MROH2A: variants seen among roughly 807,000 people sequenced by gnomAD.
The protein encoded by MROH2A is maestro heat-like repeat-containing protein family member 2A.
MROH2A carries 174 observed loss-of-function variants against 200.4 expected under a neutral mutation model. The ratio of observed to expected loss-of-function variants is 0.87; its 90% CI spans 0.77 to 0.98. MROH2A has a LOEUF of 0.98. Ranked by LOEUF, MROH2A falls within the 50% of genes least tolerant of loss-of-function variation. The pLI is 0.00. For synonymous variants in MROH2A, 829 were observed against 840.4 expected, an observed-to-expected ratio of 0.99 and a Z score of 0.23; for missense variants, 2,045 against 2,139.6, an observed-to-expected ratio of 0.96 and a Z score of 0.87.
At position 233,807,060 on chromosome 2, in the gene MROH2A, A is replaced by G. The variant is rs769008013; in HGVS notation, c.2053-363A>G. ...ATACGACGTTTGGTTTTCCATTCCT[A>G]AGTTACTTAGAATAATAGTCTCCAA... is the stretch of plus-strand genomic sequence containing the variant. On this transcript the variant is annotated intron_variant, in intron 19 of 41. Transcript: ENST00000389758. The surrounding 1 kb of genome is among the most constrained non-coding windows in gnomAD (Gnocchi z 4.3). Among the ~76,000 whole-genome samples, 329 of 152,148 alleles carry G rather than the reference A, an allele frequency of 2.2e-3. 2 individuals carry two copies. The highest frequency in any genetic ancestry group is 5.6e-3 in the Admixed American group (86 of 15,284).
rs1044679354 is a variant in MROH2A, at chr2:233,788,276, T to G, written c.277-1221T>G. Among the ~76,000 whole-genome samples, 23 of 140,572 alleles carry G rather than the reference T, an allele frequency of 1.6e-4. 1 individual carries two copies. The highest frequency in any genetic ancestry group is 3.6e-3 in the Middle Eastern group (1 of 278). The allele number at this position is 140,572 out of a possible 152,430, so 92.2% of individuals were successfully genotyped here. A position where few individuals can be genotyped will look rare whatever the true frequency, so the allele number is the denominator to read the frequency against. Reference sequence around the variant, plus strand: ...ATGTCCTTGGGAGTAATAATAATAATAATAATAATAATAATAATAATAATA... The same window carrying G: ...ATGTCCTTGGGAGTAATAATAATAAGAATAATAATAATAATAATAATAATA... On this transcript the variant is annotated intron_variant, in intron 3 of 41. Coordinates refer to ENST00000389758, the MANE Select transcript of MROH2A (RefSeq NM_001394639.1).
At chr2:233,778,159 AG>A (rs1381580506), upstream of MROH2A, among the ~76,000 whole-genome samples, 3 of 152,234 alleles carry the variant, frequency 2.0e-5, no homozygotes, top group African/African-American at 7.2e-5. Flanking sequence ...TGTGAATAAC[AG>A]AAATGTTGAA....
In MROH2A at chr2:233,804,212, C is replaced by A. The variant is rs1272952854; in HGVS notation, c.1891+20C>A. On this transcript the variant is annotated intron_variant, in intron 17 of 41. Transcript: ENST00000389758. ...TGGAAGGTGAGGTTCCTGGGGAGCC[C>A]ATCCCAAGCCAACCCTCCAATCCGT... 2 of 1,549,736 alleles carry A rather than the reference C, an allele frequency of 1.3e-6. No homozygotes were observed. The highest frequency in any genetic ancestry group is 2.4e-5 in the East Asian group (1 of 40,920).
chr2:233,829,591 A>C (rs569898152), intron 37 of MROH2A, 29 bp from the exon 38 acceptor site: 5 of 1,368,630 alleles, frequency 3.7e-6, no homozygotes, highest in Admixed American at 7.1e-5. Context: ...TGCTGCCTGC[A>C]TGTCAGCCTG....
rs1360794428 is a variant in MROH2A at position 233,829,919 on chromosome 2, G to T, written c.4602+144G>T. Reference sequence around the variant, plus strand: ...TCTGAGATCCCAGAGGCCACAGCCTGCTCCCTGCTGTCCTCCATCCCTCAC... The same window carrying T: ...TCTGAGATCCCAGAGGCCACAGCCTTCTCCCTGCTGTCCTCCATCCCTCAC... On this transcript the variant is annotated intron_variant, in intron 38 of 41. Coordinates refer to ENST00000389758, the MANE Select transcript of MROH2A (RefSeq NM_001394639.1). The T allele has an allele frequency of 5.3e-6, 4 of 751,926 alleles. No homozygotes were observed. The South Asian group carries it at 1.9e-4, about 36-fold the overall frequency. The allele number at this position is 751,926 out of a possible 1,614,324, so 46.6% of individuals were successfully genotyped here.
chr2:233,809,354 C>A, intron 22 of MROH2A, 76 bp downstream of exon 22: 5 of 1,464,472 alleles, frequency 3.4e-6, no homozygotes, highest in Non-Finnish European at 4.7e-6. Context: ...ACTCTCTGGG[C>A]TCCTGCATCC....
At chr2:233,815,940 T>G (rs1703497728) in intron 26 of MROH2A, among the ~76,000 whole-genome samples, 2 of 152,130 alleles carry the variant, frequency 1.3e-5, no homozygotes, top group Non-Finnish European at 2.9e-5. Flanking sequence ...TCCCTTATGA[T>G]TTCTTCTTTG....
Position 233,819,314 on chromosome 2 carries a change from T to C in MROH2A, c.3205-3T>C, listed in dbSNP as rs957988540. The C allele has an allele frequency of 1.3e-6, 2 of 1,549,864 alleles. No individual in the cohort carries two copies. Among genetic ancestry groups the C allele is most frequent in the African/African-American group, 1.4e-5 (1 of 73,166 alleles). ...GCAGGGGAGTCACCCGCTCTGCTCC[T>C]AGGTGGTCTGCATGGAGTTTAGCTG... is the stretch of plus-strand genomic sequence containing the variant. On this transcript the variant is annotated splice_polypyrimidine_tract_variant and splice_region_variant and intron_variant, in intron 29 of 41. Coordinates refer to ENST00000389758, the MANE Select transcript of MROH2A (RefSeq NM_001394639.1).
chr2:233,788,430 A>G (rs901319565), intron 3 of MROH2A, among the ~76,000 whole-genome samples: 15 of 151,880 alleles, frequency 9.9e-5, no homozygotes, highest in Middle Eastern at 3.4e-3. Flanking sequence ...TTGCTATCCC[A>G]AAAGTAGGAA....
chr2:233,794,412 T>C lies in MROH2A; in HGVS notation c.872T>C (p.Leu291Pro). The C allele has an allele frequency of 6.5e-7, 1 of 1,545,872 alleles. No individual in the cohort carries two copies. The highest frequency in any genetic ancestry group is 8.7e-7 in the Non-Finnish European group (1 of 1,144,698). ...KSLKPMLGLL[L>P]PNDDLREQVY... is the part of the protein sequence containing the mutation. ...CTGAAGCCCATGCTCGGCCTCCTTC[T>C]GCCCAACGATGACCTGCGGGAGCAG... Residue 291 changes from leucine to proline, a missense_variant, in exon 8 of 42, where the codon CTG becomes CCG. Around this residue, in one of 3 missense-constraint regions of MROH2A, gnomAD observed 831 missense variants for 800.0 expected, o/e 1.04. Transcript: ENST00000389758.
Position 233,822,399 on chromosome 2 carries a change from G to A in MROH2A, c.3709G>A (p.Asp1237Asn). The change falls in exon 33 of 42, where the codon GAT (aspartate) becomes AAT (asparagine). Residue 1237 changes from aspartate (D) to asparagine (N), a missense_variant. Physicochemically the swap from Asp to Asn is conservative, Grantham distance 23. Coordinates refer to ENST00000389758, the MANE Select transcript of MROH2A (RefSeq NM_001394639.1). Reference sequence around the variant, plus strand: ...CATCCACCTTCTCATTCAGAAGCTGGATGAGAATGACAAGCTCCCGGACTT... The same window carrying A: ...CATCCACCTTCTCATTCAGAAGCTGAATGAGAATGACAAGCTCCCGGACTT... ...CTIHLLIQKL[D>N]ENDKLPDFLP... The A allele has an allele frequency of 6.4e-7, 1 of 1,551,134 alleles. No homozygotes were observed. Among genetic ancestry groups the A allele is most frequent in the South Asian group, 1.2e-5 (1 of 84,062 alleles).
chr2:233,778,008 C>T, upstream of MROH2A, among the ~76,000 whole-genome samples: 1 of 152,300 alleles, frequency 6.6e-6, no homozygotes, highest in East Asian at 1.9e-4. Context: ...CAGTCTGCCC[C>T]TCCTCTCCTC....
intron 12 of MROH2A, among the ~76,000 whole-genome samples, chr2:233,799,275 A>G (rs9808308): frequency 0.49 from 74,663 of 151,944 alleles, 18,622 homozygotes; most frequent in African/African-American, 0.54. Context: ...GGTTCTGGCC[A>G]TGGGCTGGGG....
intron 33 of MROH2A, 60 bp downstream of exon 33, chr2:233,822,616 G>T (rs556377320): frequency 2.7e-5 from 40 of 1,503,918 alleles, no homozygotes; most frequent in African/African-American, 5.5e-5. Flanking sequence ...GCCACGGGCT[G>T]CCCCTTAGTT....
chr2:233,776,249 G>C (rs545120308), upstream of MROH2A, among the ~76,000 whole-genome samples: 1 of 152,204 alleles, frequency 6.6e-6, no homozygotes, highest in East Asian at 1.9e-4. Context: ...TCCCATAGAA[G>C]TAGTGGTGCA....
intron 14 of MROH2A, among the ~76,000 whole-genome samples, chr2:233,801,253 A>G (rs1702452098): frequency 6.6e-6 from 1 of 151,966 alleles, no homozygotes; most frequent in Non-Finnish European, 1.5e-5. Context: ...CCTGGTGGCT[A>G]CAACAGGTTA....
intron 18 of MROH2A, 83 bp downstream of exon 18, chr2:233,804,630 A>AT (rs1271855004): frequency 1.8e-5 from 24 of 1,300,978 alleles, no homozygotes; most frequent in Non-Finnish European, 2.6e-5. Flanking sequence ...GGCTGGGCAC[A>AT]TGAGGAGTTT....
rs888617216 is a variant in MROH2A at position 233,828,448 on chromosome 2, A to G, written c.4114-182A>G. On this transcript the variant is annotated intron_variant, in intron 35 of 41. Coordinates refer to ENST00000389758, the MANE Select transcript of MROH2A (RefSeq NM_001394639.1). This position sits in a 1 kb window ranked among gnomAD's most constrained non-coding sequence, Gnocchi z 4.6. Reference sequence around the variant, plus strand: ...CCATATTTCCTTATTAAATCCCCACACAGACCCTGAGGCAGGTACTAGCAT... The same window carrying G: ...CCATATTTCCTTATTAAATCCCCACGCAGACCCTGAGGCAGGTACTAGCAT... 6.3e-6 allele frequency: 4 copies of G among 637,168 alleles called. No individual in the cohort carries two copies. The highest frequency in any genetic ancestry group is 5.5e-5 in the African/African-American group (3 of 54,342). The allele number at this position is 637,168 out of a possible 1,614,324, so 39.5% of individuals were successfully genotyped here. A position where few individuals can be genotyped will look rare whatever the true frequency, so the allele number is the denominator to read the frequency against.
intron 25 of MROH2A, among the ~76,000 whole-genome samples, chr2:233,814,120 A>C (rs1031605546): frequency 6.6e-6 from 1 of 152,198 alleles, no homozygotes; most frequent in Non-Finnish European, 1.5e-5. Context: ...GATCCCAATC[A>C]ATGGGTATTG....
Sources: gnomAD v4.1 joint callset for allele counts (sites outside exome capture counted in the v4.1 genomes callset) on GRCh38, gnomAD v4.1.1 for gene constraint, gnomAD v4.1.1 regional missense constraint, Gnocchi (gnomAD v3.1) non-coding constraint, MANE v1.5 for transcripts, NCBI Gene and HGNC (gene_info 2026-07-23, HGNC 2026-07-21) for gene names.